Variants in FANCM observed in about 807,000 individuals in gnomAD.
The protein encoded by FANCM is Fanconi anemia group M protein.
In FANCM, 140 loss-of-function variants were observed where a neutral mutation model predicts 199.5. The observed-to-expected ratio is 0.70, with a 90% CI of 0.61 to 0.81. The LOEUF (loss-of-function observed/expected upper bound fraction) is 0.81, where lower values mean the gene tolerates loss of function less well. Ranked by LOEUF, FANCM falls within the 30% of genes least tolerant of loss-of-function variation. The pLI is 0.00. For synonymous variants in FANCM, 840 were observed against 836.8 expected (o/e 1.00, Z -0.07); for missense variants, 2,410 against 2,421.4 (o/e 1.00, Z 0.10).
intron 5 of FANCM, among the ~76,000 whole-genome samples, chr14:45,152,688 T>A (rs1380693907): frequency 6.6e-6 from 1 of 152,192 alleles, no homozygotes; most frequent in African/African-American, 2.4e-5. Flanking sequence ...CCAATTTGGC[T>A]GAGGATTTGG....
intron 8 of FANCM, among the ~76,000 whole-genome samples, chr14:45,158,579 C>T (rs1887359571): frequency 6.6e-6 from 1 of 152,050 alleles, no homozygotes; most frequent in South Asian, 2.1e-4. Context: ...CTTTAGTGAA[C>T]AGAAAGGAAA....
intron 20 of FANCM, chr14:45,195,495 A>G (rs1166160898): frequency 2.2e-6 from 1 of 455,534 alleles, no homozygotes; most frequent in East Asian, 6.9e-5. Flanking sequence ...TCGGACATCT[A>G]GCACTAATGT....
intron 3 of FANCM, among the ~76,000 whole-genome samples, chr14:45,145,786 G>A (rs936326164): frequency 1.3e-5 from 2 of 152,040 alleles, no homozygotes; most frequent in African/African-American, 2.4e-5. Context: ...ATGGCCGGGC[G>A]CGGTGGCTCA....
At position 45,144,137 on chromosome 14, in the gene FANCM, G is replaced by A. The variant is rs150809911; in HGVS notation, c.759+3428G>A. Reference sequence around the variant, plus strand: ...ATGCAGTGCATAATAATCACATCAGGCTAATGGGGTATCCATCACCTTAAG... The same window carrying A: ...ATGCAGTGCATAATAATCACATCAGACTAATGGGGTATCCATCACCTTAAG... On this transcript the variant is annotated intron_variant, in intron 3 of 22. Coordinates refer to ENST00000267430, the MANE Select transcript of FANCM (RefSeq NM_020937.4). Among the ~76,000 whole-genome samples the A allele has an allele frequency of 3.4e-3, 511 of 152,056 alleles. 1 individual carries two copies. Among genetic ancestry groups the A allele is most frequent in the African/African-American group, 0.012 (488 of 41,468 alleles).
At chr14:45,172,919 T>G in intron 12 of FANCM, 136 bp from the exon 13 acceptor site, 1 of 656,866 alleles carries the variant, frequency 1.5e-6, no homozygotes, top group Non-Finnish European at 2.7e-6. Flanking sequence ...TTTTTTCTTC[T>G]GAGATTTTAG....
intron 22 of FANCM, among the ~76,000 whole-genome samples, chr14:45,199,265 C>T (rs960619521): frequency 1.3e-5 from 2 of 152,268 alleles, no homozygotes; most frequent in East Asian, 3.9e-4. Context: ...GAGTATTTTA[C>T]TAGTTGTGAT....
rs113614908 is a variant in FANCM at position 45,160,268 on chromosome 14, A to T, written c.1581+988A>T. Among the ~76,000 whole-genome samples, 1,099 of 151,068 alleles carry T rather than the reference A, an allele frequency of 7.3e-3. 24 individuals carry two copies. Among genetic ancestry groups the T allele is most frequent in the African/African-American group, 0.025 (1,044 of 41,250 alleles). On this transcript the variant is annotated intron_variant, in intron 9 of 22. Coordinates refer to ENST00000267430, the MANE Select transcript of FANCM (RefSeq NM_020937.4). ...CTCAGCCTCCCAAAATGCTGATATT[A>T]CAGGCATGAGCCACCTCGCCTGGCT... is the stretch of plus-strand genomic sequence containing the variant.
At chr14:45,165,256 AT>A (rs1887885948) in intron 10 of FANCM, among the ~76,000 whole-genome samples, 1 of 152,204 alleles carries the variant, frequency 6.6e-6, no homozygotes. Context: ...AGCCATGATA[AT>A]TTTTAAAAAC....
intron 22 of FANCM, among the ~76,000 whole-genome samples, chr14:45,199,407 G>A (rs1334207905): frequency 6.6e-6 from 1 of 152,186 alleles, no homozygotes; most frequent in Non-Finnish European, 1.5e-5. Flanking sequence ...TGCCAGTTCT[G>A]GATACTGGAA....
chr14:45,170,655 G>C lies in FANCM; in HGVS notation c.2069G>C (p.Arg690Thr). The C allele has an allele frequency of 6.2e-7, 1 of 1,602,616 alleles. No homozygotes were observed. Among genetic ancestry groups the C allele is most frequent in the Non-Finnish European group, 8.5e-7 (1 of 1,169,760 alleles). Residue 690 changes from arginine (R) to threonine (T), a missense_variant, in exon 12 of 23, where the codon AGA becomes ACA. Arg to Thr is a moderately conservative substitution (Grantham distance 71, BLOSUM62 -1). Transcript: ENST00000267430. ...GAAGAAGAATTTAAATTATGGAACA[G>C]ACTTTATAGATTAAGGGACAGTGAT... ...LSEEEFKLWN[R>T]LYRLRDSDEI...
At chr14:45,174,997 A>G in intron 13 of FANCM, 74 bp from the exon 14 acceptor site, 1 of 827,668 alleles carries the variant, frequency 1.2e-6, no homozygotes, top group Non-Finnish European at 2.0e-6. Context: ...ATATAGAGTG[A>G]AACTCCTCTC....
chr14:45,187,450 T>C (rs537543373), intron 18 of FANCM, among the ~76,000 whole-genome samples: 1 of 152,264 alleles, frequency 6.6e-6, no homozygotes, highest in Non-Finnish European at 1.5e-5. Context: ...TTGAAACTTC[T>C]ATAAATCTGG....
chr14:45,164,227 G>A (rs1177411203), intron 9 of FANCM, 132 bp from the exon 10 acceptor site: 4 of 751,764 alleles, frequency 5.3e-6, no homozygotes, highest in Non-Finnish European at 9.2e-6. Flanking sequence ...TTACAGGCAT[G>A]AGCTGTGGCC....
rs751808714 is a variant in FANCM, at chr14:45,151,382, C to T, written c.919-15C>T. On this transcript the variant is annotated splice_polypyrimidine_tract_variant and intron_variant, in intron 4 of 22. Coordinates refer to ENST00000267430, the MANE Select transcript of FANCM (RefSeq NM_020937.4). The stretch of plus-strand genomic sequence containing the variant: ...TTTAGAGCAAGCTTAAACTAGATTG[C>T]TTTTAAATTTGCAGATTTTGGAATC... 6.2e-7 allele frequency: 1 copy of T among 1,612,594 alleles called. No homozygotes were observed. Among genetic ancestry groups the T allele is most frequent in the Non-Finnish European group, 8.5e-7 (1 of 1,178,984 alleles).
chr14:45,166,914 G>A (rs756037862), intron 10 of FANCM, 36 bp from the exon 11 acceptor site: 1 of 1,127,472 alleles, frequency 8.9e-7, no homozygotes, highest in South Asian at 1.3e-5. Context: ...ATTTATAAAA[G>A]TAATATAATC....
intron 9 of FANCM, among the ~76,000 whole-genome samples, chr14:45,161,251 A>G (rs1394155099): frequency 1.3e-5 from 2 of 152,160 alleles, no homozygotes; most frequent in South Asian, 2.1e-4. Context: ...TATTACTCCT[A>G]TATGTAATTG....
Position 45,185,236 on chromosome 14 carries a change from T to C in FANCM, c.4535T>C (p.Leu1512Ser). ...SHLKHVARKFLDDEAELSEED... is the reference protein window; with the variant it reads ...SHLKHVARKFSDDEAELSEED... The stretch of plus-strand genomic sequence containing the variant: ...ACTTAGCATGTAGCTAGGAAGTTTT[T>C]AGATGATGAAGCAGAACTTTCTGAA... The change falls in exon 18 of 23, where the codon TTA (leucine) becomes TCA (serine). Residue 1512 changes from leucine to serine, a missense_variant. By Grantham distance (145) the Leu-to-Ser change is moderately radical. Coordinates refer to ENST00000267430, the MANE Select transcript of FANCM (RefSeq NM_020937.4). The C allele has an allele frequency of 1.9e-6, 3 of 1,602,380 alleles. No individual in the cohort carries two copies. The highest frequency in any genetic ancestry group is 2.2e-5 in the South Asian group (2 of 90,304).
chr14:45,137,311 C>G (rs764302887), intron 2 of FANCM, 70 bp downstream of exon 2: 8 of 1,226,060 alleles, frequency 6.5e-6, no homozygotes, highest in Non-Finnish European at 8.3e-6. Context: ...CGAATAGTTA[C>G]TAGTGATGGA....
intron 14 of FANCM, among the ~76,000 whole-genome samples, chr14:45,179,214 A>T (rs1261334156): frequency 6.6e-6 from 1 of 152,080 alleles, no homozygotes; most frequent in Non-Finnish European, 1.5e-5. Flanking sequence ...AAATAAATAA[A>T]TAAAAATAAA....
Sources: gnomAD v4.1 joint callset for allele counts (sites outside exome capture counted in the v4.1 genomes callset) on GRCh38, gnomAD v4.1.1 for gene constraint, MANE v1.5 for transcripts, NCBI Gene and HGNC (gene_info 2026-07-23, HGNC 2026-07-21) for gene names.